Variants in FHOD3 observed in about 807,000 individuals in gnomAD.
FHOD3 encodes formin homology 2 domain containing 3.
FHOD3 carries 90 observed loss-of-function variants against 173.0 expected under a neutral mutation model. The ratio of observed to expected loss-of-function variants is 0.52; its 90% confidence interval spans 0.44 to 0.62. FHOD3 has a LOEUF of 0.62. Ranked by LOEUF, FHOD3 falls within the 20% of genes least tolerant of loss-of-function variation. The pLI is 0.00. For missense variants in FHOD3, 1,945 were observed against 2,034.7 expected (o/e 0.96, Z 0.85); for synonymous variants, 828 against 823.0 (o/e 1.01, Z -0.10).
In FHOD3 at chr18:36,326,922, C is replaced by A. The variant is rs529418976; in HGVS notation, c.166-28617C>A. On this transcript the variant is annotated intron_variant, in intron 1 of 28. Coordinates refer to ENST00000590592, the MANE Select transcript of FHOD3 (RefSeq NM_001281740.3). Reference sequence around the variant, plus strand: ...GCCCAACTGCCTATGTTGCACTCTGCGTTTTCTCAGCTCGGACTTTGGCAT... The same window carrying A: ...GCCCAACTGCCTATGTTGCACTCTGAGTTTTCTCAGCTCGGACTTTGGCAT... 3.9e-5 allele frequency among the ~76,000 whole-genome samples: 6 copies of A among 152,296 alleles called. No individual in the cohort carries two copies. The South Asian group carries it at 1.2e-3, about 32-fold the overall frequency.
At chr18:36,471,576 A>C (rs931641764) in intron 3 of FHOD3, among the ~76,000 whole-genome samples, 1 of 152,182 alleles carries the variant, frequency 6.6e-6, no homozygotes, top group East Asian at 1.9e-4. Flanking sequence ...TCTATTCAGC[A>C]CTTCTCCAAG....
At chr18:36,454,959 T>A (rs996166571) in intron 3 of FHOD3, among the ~76,000 whole-genome samples, 4 of 152,202 alleles carry the variant, frequency 2.6e-5, no homozygotes, top group Non-Finnish European at 5.9e-5. Context: ...CTTTCTCTCA[T>A]CTGCAGAGTC....
chr18:36,636,015 G>T (rs1431040216), intron 10 of FHOD3, among the ~76,000 whole-genome samples: 1 of 152,198 alleles, frequency 6.6e-6, no homozygotes, highest in African/African-American at 2.4e-5. Flanking sequence ...TTTACTATGG[G>T]AATGGAAGCG....
At chr18:36,314,580 A>G (rs1390305305) in intron 1 of FHOD3, among the ~76,000 whole-genome samples, 7 of 152,210 alleles carry the variant, frequency 4.6e-5, no homozygotes, top group Non-Finnish European at 8.8e-5. Context: ...TAAGAAGTTC[A>G]GGGGCTAGAG....
intron 10 of FHOD3, among the ~76,000 whole-genome samples, chr18:36,648,748 T>A (rs2035851671): frequency 6.6e-6 from 1 of 152,140 alleles, no homozygotes. Context: ...ACTGCACCCC[T>A]GAAACACACT....
At chr18:36,633,215 C>T (rs1037644105) in intron 10 of FHOD3, among the ~76,000 whole-genome samples, 4 of 152,202 alleles carry the variant, frequency 2.6e-5, no homozygotes, top group Admixed American at 2.0e-4. Context: ...CCTCTTAGTG[C>T]GTGTGCTTGA....
chr18:36,582,868 C>A (rs2058904457), intron 6 of FHOD3, among the ~76,000 whole-genome samples: 1 of 152,214 alleles, frequency 6.6e-6, no homozygotes. Flanking sequence ...GGATTTTTGT[C>A]ACACATTTTT....
At chr18:36,467,566 G>T (rs2053018402) in intron 3 of FHOD3, among the ~76,000 whole-genome samples, 1 of 152,094 alleles carries the variant, frequency 6.6e-6, no homozygotes, top group Non-Finnish European at 1.5e-5. Flanking sequence ...GGGGTCAAGG[G>T]CAAATCCCTT....
intron 3 of FHOD3, among the ~76,000 whole-genome samples, chr18:36,448,531 A>G (rs1481334825): frequency 1.3e-5 from 2 of 152,060 alleles, no homozygotes; most frequent in African/African-American, 4.8e-5. Flanking sequence ...TCTCTCCCAC[A>G]TGACTCTCTG....
At chr18:36,573,040 ATC>A (rs1362923106) in intron 5 of FHOD3, among the ~76,000 whole-genome samples, 1 of 151,804 alleles carries the variant, frequency 6.6e-6, no homozygotes, top group East Asian at 1.9e-4. Context: ...TAGGGGCTGC[ATC>A]TTTCTGCAGG....
At chr18:36,518,868 C>A (rs917835349) in intron 5 of FHOD3, among the ~76,000 whole-genome samples, 7 of 152,272 alleles carry the variant, frequency 4.6e-5, no homozygotes, top group Non-Finnish European at 8.8e-5. Context: ...GGTCTGACCT[C>A]CATCTGGCCT....
intron 1 of FHOD3, among the ~76,000 whole-genome samples, chr18:36,329,169 A>T (rs530766474): frequency 3.6e-4 from 55 of 152,154 alleles, no homozygotes; most frequent in Admixed American, 7.2e-4. Flanking sequence ...TTATCCACAG[A>T]GCTACCAGGG....
intron 10 of FHOD3, among the ~76,000 whole-genome samples, chr18:36,642,310 G>A (rs899667184): frequency 1.4e-4 from 21 of 152,018 alleles, no homozygotes; most frequent in African/African-American, 4.8e-4. Context: ...AAATTGTTTC[G>A]TTACATATTT....
chr18:36,756,412 G>A (rs1179870359), intron 25 of FHOD3, among the ~76,000 whole-genome samples: 1 of 152,110 alleles, frequency 6.6e-6, no homozygotes, highest in African/African-American at 2.4e-5. Context: ...GGCAATAGAG[G>A]GAATGGAATG....
rs190074971 is a variant in FHOD3, at chr18:36,606,320, T to C, written c.813+3552T>C. 1.6e-4 allele frequency among the ~76,000 whole-genome samples: 25 copies of C among 152,172 alleles called. No individual in the cohort carries two copies. The East Asian group carries it at 4.8e-3, about 29-fold the overall frequency. ...AAAGTATCAAGGTACTGGCATCTTG[T>C]GAGGACCTTTTTGCCATGCCATCCA... On this transcript the variant is annotated intron_variant, in intron 8 of 28. Transcript: ENST00000590592.
chr18:36,701,141 G>A (rs2039566118), intron 17 of FHOD3, among the ~76,000 whole-genome samples: 1 of 152,196 alleles, frequency 6.6e-6, no homozygotes, highest in South Asian at 2.1e-4. Context: ...GAATGGTCAA[G>A]CATGACAAAA....
At chr18:36,554,976 A>G (rs1314506313) in intron 5 of FHOD3, among the ~76,000 whole-genome samples, 1 of 152,178 alleles carries the variant, frequency 6.6e-6, no homozygotes, top group African/African-American at 2.4e-5. Context: ...CTAGATATAT[A>G]TCAATTTCAT....
intron 1 of FHOD3, among the ~76,000 whole-genome samples, chr18:36,316,150 C>T (rs1278318894): frequency 6.6e-6 from 1 of 151,924 alleles, no homozygotes; most frequent in African/African-American, 2.4e-5. Flanking sequence ...TTCCTTGACC[C>T]ACCTGGTCCC....
intron 5 of FHOD3, among the ~76,000 whole-genome samples, chr18:36,526,605 G>A (rs1373749310): frequency 1.3e-5 from 2 of 152,100 alleles, no homozygotes; most frequent in Non-Finnish European, 2.9e-5. Context: ...GTTTCACCAT[G>A]TTGGCCAGGC....
Sources: gnomAD v4.1 joint callset for allele counts (sites outside exome capture counted in the v4.1 genomes callset) on GRCh38, gnomAD v4.1.1 for gene constraint, MANE v1.5 for transcripts, NCBI Gene and HGNC (gene_info 2026-07-23, HGNC 2026-07-21) for gene names.